The following PTPRN2 variants were observed in gnomAD, a reference collection of about 807,000 sequenced individuals.
PTPRN2 encodes receptor-type tyrosine-protein phosphatase N2.
Under a neutral mutation model 118.8 loss-of-function variants are expected in PTPRN2, and 74 were observed. The observed-to-expected ratio is 0.62, with a 90% confidence interval of 0.52 to 0.76. The LOEUF is 0.76. Among genes scored for constraint, PTPRN2 ranks in the 30% least tolerant of loss-of-function variants. The pLI is 0.00. For synonymous variants in PTPRN2, 641 were observed against 608.0 expected (o/e 1.05, Z -0.80); for missense variants, 1,481 against 1,394.4 (o/e 1.06, Z -0.99).
intron 1 of PTPRN2, among the ~76,000 whole-genome samples, chr7:158,558,475 A>G (rs1385981685): frequency 6.6e-6 from 1 of 152,124 alleles, no homozygotes; most frequent in East Asian, 1.9e-4. Context: ...GGTGCTGAGC[A>G]GTGAACACTG....
intron 12 of PTPRN2, among the ~76,000 whole-genome samples, chr7:157,759,455 C>T (rs952243630): frequency 2.0e-5 from 3 of 152,224 alleles, no homozygotes; most frequent in African/African-American, 4.8e-5. Context: ...GCCGCTTGGC[C>T]CAGGAGCCTG....
intron 2 of PTPRN2, among the ~76,000 whole-genome samples, chr7:158,345,989 C>T (rs1458469825): frequency 6.6e-6 from 1 of 152,128 alleles, no homozygotes; most frequent in Non-Finnish European, 1.5e-5. Flanking sequence ...CCCACCAGGT[C>T]CCTCCCCAAC....
chr7:158,221,643 C>T (rs185518323), intron 3 of PTPRN2, among the ~76,000 whole-genome samples: 14 of 152,138 alleles, frequency 9.2e-5, no homozygotes, highest in Admixed American at 3.3e-4. Flanking sequence ...GAATGCCAAG[C>T]GGAAAGGGTT....
chr7:157,935,952 G>A (rs1799672512), intron 11 of PTPRN2, among the ~76,000 whole-genome samples: 1 of 151,192 alleles, frequency 6.6e-6, no homozygotes, highest in Non-Finnish European at 1.5e-5. Context: ...TCCCTCAGGG[G>A]TGTCTAGCCA....
intron 11 of PTPRN2, among the ~76,000 whole-genome samples, chr7:157,928,212 A>G (rs992172382): frequency 6.6e-6 from 1 of 152,168 alleles, no homozygotes; most frequent in African/African-American, 2.4e-5. Context: ...CCATAGGCAG[A>G]TACAGGACCC....
intron 11 of PTPRN2, among the ~76,000 whole-genome samples, chr7:158,034,741 G>A (rs1180603596): frequency 6.6e-6 from 1 of 152,218 alleles, no homozygotes; most frequent in Non-Finnish European, 1.5e-5. Context: ...CAGCACCTCA[G>A]TCCCCCAAAC....
At chr7:158,514,990 CTTATT>C (rs1334818123) in intron 1 of PTPRN2, among the ~76,000 whole-genome samples, 1 of 152,152 alleles carries the variant, frequency 6.6e-6, no homozygotes, top group Non-Finnish European at 1.5e-5. Context: ...CGTGACCACT[CTTATT>C]TTATCTCCAC....
intron 5 of PTPRN2, among the ~76,000 whole-genome samples, chr7:158,188,777 G>A (rs1825515346): frequency 6.6e-6 from 1 of 152,076 alleles, no homozygotes; most frequent in Non-Finnish European, 1.5e-5. Context: ...CCCGCTGTAT[G>A]GGGAAGGCTG....
intron 11 of PTPRN2, among the ~76,000 whole-genome samples, chr7:158,033,735 C>T (rs1054129101): frequency 4.6e-5 from 7 of 150,896 alleles, no homozygotes; most frequent in South Asian, 2.1e-4. Flanking sequence ...ACTGAGACCT[C>T]GATAGAAACT....
At chr7:158,564,773 C>G (rs1222664044) in intron 1 of PTPRN2, among the ~76,000 whole-genome samples, 1 of 152,234 alleles carries the variant, frequency 6.6e-6, no homozygotes, top group Non-Finnish European at 1.5e-5. Flanking sequence ...AGAGGGCGGG[C>G]AGCTCAGCAC....
intron 2 of PTPRN2, among the ~76,000 whole-genome samples, chr7:158,340,422 C>T (rs1388830841): frequency 3.4e-5 from 2 of 58,402 alleles, no homozygotes; most frequent in African/African-American, 5.5e-5. Context: ...GTCACTCACA[C>T]ACACACTCTC....
chr7:157,621,399 C>T lies in PTPRN2; in HGVS notation c.2307G>A (p.Glu769=). Residue 769 remains glutamate, a synonymous_variant, in exon 15 of 23, where the codon GAG becomes GAA. Transcript: ENST00000389418. ...PNSSFVAQRE[E]NVPKNRSLAV... ...CCAGGGAGCGGTTCTTGGGCACGTT[C>T]TCCTCCCTCTGGGCCACGAACGAGC... is the stretch of plus-strand genomic sequence containing the variant. 6.2e-7 allele frequency: 1 copy of T among 1,600,820 alleles called. No homozygotes were observed. Among genetic ancestry groups the T allele is most frequent in the Non-Finnish European group, 8.5e-7 (1 of 1,174,278 alleles).
chr7:158,282,946 C>T (rs1195397886), intron 3 of PTPRN2, among the ~76,000 whole-genome samples: 6 of 151,034 alleles, frequency 4.0e-5, no homozygotes, highest in African/African-American at 9.8e-5. Flanking sequence ...GGTCCCTCCT[C>T]GTGCTCCCAC....
At chr7:157,946,564 C>T (rs1383704638) in intron 11 of PTPRN2, among the ~76,000 whole-genome samples, 1 of 152,228 alleles carries the variant, frequency 6.6e-6, no homozygotes, top group African/African-American at 2.4e-5. Flanking sequence ...CGTAAGCTTG[C>T]AGGAACAGGA....
At chr7:158,142,195 C>A (rs953685239) in intron 6 of PTPRN2, among the ~76,000 whole-genome samples, 1 of 152,362 alleles carries the variant, frequency 6.6e-6, no homozygotes, top group East Asian at 1.9e-4. Context: ...GCAAACCCTG[C>A]GATCCGGAGC....
At chr7:158,034,267 G>A (rs1189837600) in intron 11 of PTPRN2, among the ~76,000 whole-genome samples, 4 of 151,692 alleles carry the variant, frequency 2.6e-5, no homozygotes, top group Non-Finnish European at 2.9e-5. Flanking sequence ...AGCATCCCTG[G>A]TCAGCAATGC....
chr7:158,151,099 CGCCT>C (rs1563520749), intron 6 of PTPRN2, among the ~76,000 whole-genome samples: 11 of 41,344 alleles, frequency 2.7e-4, no homozygotes, highest in South Asian at 1.3e-3. Flanking sequence ...CCAAACCGCC[CGCCT>C]TTCTGCTCCT....
chr7:158,175,304 C>T (rs548775027), intron 5 of PTPRN2, among the ~76,000 whole-genome samples: 377 of 152,318 alleles, frequency 2.5e-3, no homozygotes, highest in African/African-American at 8.3e-3. Flanking sequence ...GAGCCGGCAC[C>T]GGATGCGGCC....
chr7:157,948,829 A>G (rs1196510288), intron 11 of PTPRN2, among the ~76,000 whole-genome samples: 1 of 152,228 alleles, frequency 6.6e-6, no homozygotes, highest in Non-Finnish European at 1.5e-5. Flanking sequence ...TGGAAGCTCA[A>G]CTGGTGAGTC....
Sources: gnomAD v4.1 joint callset for allele counts (sites outside exome capture counted in the v4.1 genomes callset) on GRCh38, gnomAD v4.1.1 for gene constraint, MANE v1.5 for transcripts, NCBI Gene and HGNC (gene_info 2026-07-23, HGNC 2026-07-21) for gene names.